Variants in PCDHA2 observed in about 807,000 individuals in gnomAD.
PCDHA2 encodes protocadherin alpha 2, also known as protocadherin alpha-2.
A neutral mutation model predicts 66.0 loss-of-function variants in PCDHA2; 58 were observed. That is an observed-to-expected ratio of 0.88 (90% CI 0.71 to 1.09). The LOEUF (loss-of-function observed/expected upper bound fraction) is 1.09. Ranked by LOEUF, PCDHA2 falls within the 50% of genes least tolerant of loss-of-function variation. The probability of loss-of-function intolerance (pLI) is 0.00; values close to 1 mark genes in which losing one functional copy is unlikely to be tolerated. For missense variants in PCDHA2, 1,267 were observed against 1,242.3 expected, an observed-to-expected ratio of 1.02 and a Z score of -0.30; for synonymous variants, 634 against 554.0, an observed-to-expected ratio of 1.14 and a Z score of -2.03.
intron 1 of PCDHA2, chr5:140,805,200 A>G (rs1763525593): frequency 6.9e-7 from 1 of 1,442,696 alleles, no homozygotes; most frequent in African/African-American, 1.4e-5. Context: ...TTGAATAGCT[A>G]CCAAATAAAC....
At chr5:141,001,726 T>G (rs2098034769) in intron 3 of PCDHA2, among the ~76,000 whole-genome samples, 1 of 152,116 alleles carries the variant, frequency 6.6e-6, no homozygotes, top group Admixed American at 6.6e-5. Flanking sequence ...GCTTGAGATA[T>G]TTTACAACCT....
At chr5:140,869,052 T>G in intron 1 of PCDHA2, 1 of 1,543,852 alleles carries the variant, frequency 6.5e-7, no homozygotes. Flanking sequence ...AACTGAAGAA[T>G]CTGGTACTGT....
intron 1 of PCDHA2, chr5:140,875,619 T>G (rs369772491): frequency 7.7e-5 from 125 of 1,613,602 alleles, no homozygotes; most frequent in African/African-American, 7.5e-4. Flanking sequence ...GCCGCATCGC[T>G]CAGGACCTGG....
At position 140,870,592 on chromosome 5, in the gene PCDHA2, C is replaced by T. The variant is rs202164332; in HGVS notation, c.2388+73240C>T. The T allele has an allele frequency of 8.8e-4, 1,421 of 1,613,554 alleles. 8 individuals carry two copies. The African/African-American group carries it at 0.017, about 19-fold the overall frequency. On this transcript the variant is annotated intron_variant, in intron 1 of 3. Coordinates refer to ENST00000526136, the MANE Select transcript of PCDHA2 (RefSeq NM_018905.3). ...GGTGTCCTACTCGCTGGTGGAGCGGCGGTTGGGCGACCGCGCGCTGTCGAG... is the reference window on the plus strand; with the variant it reads ...GGTGTCCTACTCGCTGGTGGAGCGGTGGTTGGGCGACCGCGCGCTGTCGAG...
intron 1 of PCDHA2, chr5:140,802,004 G>A: frequency 6.2e-7 from 1 of 1,614,202 alleles, no homozygotes; most frequent in Admixed American, 1.7e-5. Context: ...CCACCGATTT[G>A]GATGAAGGAG....
Position 140,848,296 on chromosome 5 carries a change from G to T in PCDHA2, c.2388+50944G>T, listed in dbSNP as rs181978789. 1.7e-5 allele frequency: 11 copies of T among 652,922 alleles called. No individual in the cohort carries two copies. The East Asian group carries it at 2.5e-4, about 15-fold the overall frequency. 40.4% of individuals were successfully genotyped at this position (652,922 alleles called of 1,614,324 possible). ...AATATGTACTTACACTTTGGGCCACGTGATGTCACTCTTTGCCGCGATGTT... is the reference window on the plus strand; with the variant it reads ...AATATGTACTTACACTTTGGGCCACTTGATGTCACTCTTTGCCGCGATGTT... On this transcript the variant is annotated intron_variant, in intron 1 of 3. Coordinates refer to ENST00000526136, the MANE Select transcript of PCDHA2 (RefSeq NM_018905.3).
chr5:140,898,560 G>T lies in PCDHA2; in HGVS notation c.2389-80389G>T, dbSNP rs185604146. On this transcript the variant is annotated intron_variant, in intron 1 of 3. Coordinates refer to ENST00000526136, the MANE Select transcript of PCDHA2 (RefSeq NM_018905.3). ...TTCCATTTATCTATGTCTCTGTTTT[G>T]GTACCAGTGCCATGCTGTTTTGGTT... Among the ~76,000 whole-genome samples the T allele has an allele frequency of 5.1e-3, 775 of 152,210 alleles. 4 individuals carry two copies. The highest frequency in any genetic ancestry group is 8.5e-3 in the Non-Finnish European group (578 of 68,016).
intron 1 of PCDHA2, chr5:140,805,123 G>T (rs1554123272): frequency 6.3e-7 from 1 of 1,584,214 alleles, no homozygotes; most frequent in Admixed American, 1.7e-5. Flanking sequence ...AAGACTCTTG[G>T]CAAAGACATT....
At chr5:140,957,689 A>G (rs2095375568) in intron 1 of PCDHA2, among the ~76,000 whole-genome samples, 1 of 152,234 alleles carries the variant, frequency 6.6e-6, no homozygotes. Flanking sequence ...TATCTAGACA[A>G]TGAACATTAT....
chr5:140,804,924 G>T, intron 1 of PCDHA2: 18 of 987,120 alleles, frequency 1.8e-5, no homozygotes, highest in South Asian at 9.7e-5. Flanking sequence ...TCCTTTTTTG[G>T]CACTATCCTT....
chr5:140,796,515 G>T lies in PCDHA2; in HGVS notation c.1551G>T (p.Val517=). ...YVSVHAESGK[V]YALQPLDHEE... is the part of the protein sequence containing the mutation. ...CGGTGCACGCGGAGAGCGGCAAGGT[G>T]TACGCGCTGCAGCCGCTGGACCACG... The change falls in exon 1 of 4, where the codon GTG becomes GTT. Residue 517 remains valine, a synonymous_variant. Coordinates refer to ENST00000526136, the MANE Select transcript of PCDHA2 (RefSeq NM_018905.3). 1 of 1,612,454 alleles carries T rather than the reference G, an allele frequency of 6.2e-7. No homozygotes were observed. Among genetic ancestry groups the T allele is most frequent in the Non-Finnish European group, 8.5e-7 (1 of 1,179,836 alleles).
At chr5:140,862,620 G>C in intron 1 of PCDHA2, 1 of 528,384 alleles carries the variant, frequency 1.9e-6, no homozygotes, top group Non-Finnish European at 3.8e-6. Context: ...GTAACAACCC[G>C]CGGGGCTGCC....
intron 1 of PCDHA2, chr5:140,857,675 C>T (rs1343696069): frequency 3.1e-6 from 5 of 1,596,928 alleles, no homozygotes; most frequent in Admixed American, 3.4e-5. Context: ...GGGCGTGCCG[C>T]CTCTGGGCAG....
chr5:140,929,327 T>A (rs782155915), intron 1 of PCDHA2: 1 of 1,536,752 alleles, frequency 6.5e-7, no homozygotes, highest in Admixed American at 2.1e-5. Context: ...AATGCCATGG[T>A]AAGCAAATTT....
At chr5:141,004,919 T>A (rs144687292) in intron 3 of PCDHA2, among the ~76,000 whole-genome samples, 2 of 152,264 alleles carry the variant, frequency 1.3e-5, no homozygotes, top group East Asian at 3.9e-4. Flanking sequence ...GGAAAAGGGT[T>A]TGGAAGAGAG....
chr5:141,011,221 A>G lies in PCDHA2; in HGVS notation c.*1284A>G, dbSNP rs1392607276. On this transcript the variant is annotated 3_prime_UTR_variant, in exon 4 of 4. Coordinates refer to ENST00000526136, the MANE Select transcript of PCDHA2 (RefSeq NM_018905.3). ...TCTCATACAGTGAGCAGATTTTTCA[A>G]TCTACTAATTCTGTGACTTGTCTTG... is the stretch of plus-strand genomic sequence containing the variant. The G allele has an allele frequency of 1.3e-5, 2 of 153,780 alleles. No individual in the cohort carries two copies. The highest frequency in any genetic ancestry group is 4.8e-5 in the African/African-American group (2 of 41,464). 9.5% of individuals were successfully genotyped at this position (153,780 alleles called of 1,614,324 possible).
chr5:140,857,319 T>A, intron 1 of PCDHA2: 3 of 1,598,650 alleles, frequency 1.9e-6, no homozygotes, highest in Non-Finnish European at 2.6e-6. Flanking sequence ...GAGCTGGTGG[T>A]GACCGCGCGG....
chr5:140,819,051 C>T (rs2150103040), intron 1 of PCDHA2, among the ~76,000 whole-genome samples: 2 of 152,250 alleles, frequency 1.3e-5, no homozygotes, highest in South Asian at 4.1e-4. Context: ...GGCAGTTATA[C>T]CTTCCTCTGT....
rs782152193 is a variant in PCDHA2, at chr5:140,797,327, T to C, written c.2363T>C (p.Leu788Pro). The C allele has an allele frequency of 6.2e-7, 1 of 1,614,170 alleles. No individual in the cohort carries two copies. Among genetic ancestry groups the C allele is most frequent in the Admixed American group, 1.7e-5 (1 of 60,028 alleles). The part of the protein sequence containing the change: ...QGPDSAEEKQ[L>P]SESEYVGKPR... ...CCAGACTCCGCAGAAGAGAAACAGC[T>C]CTCAGAATCAGAATACGTAGGAAAG... The change falls in exon 1 of 4, where the codon CTC becomes CCC. Residue 788 changes from leucine (L) to proline (P), a missense_variant. Coordinates refer to ENST00000526136, the MANE Select transcript of PCDHA2 (RefSeq NM_018905.3).
Sources: allele counts gnomAD v4.1 joint callset (sites outside exome capture counted in the v4.1 genomes callset), GRCh38; gene constraint gnomAD v4.1.1; transcripts MANE v1.5; gene names NCBI Gene and HGNC (gene_info 2026-07-23, HGNC 2026-07-21).